NFIA: variants seen among roughly 807,000 people sequenced by gnomAD.
NFIA encodes nuclear factor 1 A-type.
A neutral mutation model predicts 62.8 loss-of-function variants in NFIA; 8 were observed. The observed-to-expected ratio is 0.13, with a 90% CI of 0.07 to 0.23. The LOEUF (loss-of-function observed/expected upper bound fraction) is 0.23, where lower values mean the gene tolerates loss of function less well. Ranked by LOEUF, NFIA falls within the 10% of genes least tolerant of loss-of-function variation. The pLI is 1.00. For synonymous variants in NFIA, 235 were observed against 238.1 expected (o/e 0.99, Z 0.12); for missense variants, 410 against 642.1 (o/e 0.64, Z 3.91).
chr1:61,222,517 C>A (rs1654081737), intron 2 of NFIA, among the ~76,000 whole-genome samples: 1 of 152,020 alleles, frequency 6.6e-6, no homozygotes, highest in Non-Finnish European at 1.5e-5. Context: ...TCCTTATAGT[C>A]TTTCTTTAAC....
intron 3 of NFIA, among the ~76,000 whole-genome samples, chr1:61,293,650 T>G (rs1017065585): frequency 1.3e-5 from 2 of 152,186 alleles, no homozygotes; most frequent in Non-Finnish European, 2.9e-5. Flanking sequence ...CCTTCCCCAC[T>G]TTACTCTAAT....
At chr1:61,365,198 G>GAAAC (rs1394765881) in intron 6 of NFIA, among the ~76,000 whole-genome samples, 8 of 152,222 alleles carry the variant, frequency 5.3e-5, no homozygotes, top group African/African-American at 1.9e-4. Context: ...AAAGAAAAGA[G>GAAAC]AAACAAACAG....
chr1:61,214,194 G>A (rs568181720), intron 2 of NFIA, among the ~76,000 whole-genome samples: 299 of 152,240 alleles, frequency 2.0e-3, no homozygotes, highest in Admixed American at 6.3e-3. Context: ...CAAGGAGAGC[G>A]GGTTCCATCT....
intron 2 of NFIA, among the ~76,000 whole-genome samples, chr1:61,255,599 A>G (rs758242829): frequency 3.3e-5 from 5 of 152,206 alleles, no homozygotes; most frequent in Admixed American, 6.5e-5. Flanking sequence ...TGGTCACATT[A>G]AAAGTATGTT....
Position 61,088,801 on chromosome 1 carries a change from T to A in NFIA, c.559+121T>A. 2.5e-6 allele frequency: 3 copies of A among 1,186,834 alleles called. No individual in the cohort carries two copies. Among genetic ancestry groups the A allele is most frequent in the Non-Finnish European group, 3.5e-6 (3 of 854,792 alleles). 73.5% of individuals were successfully genotyped at this position (1,186,834 alleles called of 1,614,324 possible). On this transcript the variant is annotated intron_variant, in intron 2 of 10. Transcript: ENST00000403491. The surrounding 1 kb of genome is among the most constrained non-coding windows in gnomAD (Gnocchi z 4.5). ...TTGCAGGCCACGTACATGAAGCCAGTGTGGTTTCAAAGATTGAGAGAGGTG... is the reference window on the plus strand; with the variant it reads ...TTGCAGGCCACGTACATGAAGCCAGAGTGGTTTCAAAGATTGAGAGAGGTG...
intron 2 of NFIA, among the ~76,000 whole-genome samples, chr1:61,263,732 C>T (rs201295996): frequency 6.6e-6 from 1 of 152,174 alleles, no homozygotes; most frequent in African/African-American, 2.4e-5. Flanking sequence ...CGGTGGCTCA[C>T]GCCTGTAATC....
upstream of NFIA, chr1:61,077,475 A>G: frequency 1.7e-6 from 1 of 581,292 alleles, no homozygotes; most frequent in Non-Finnish European, 2.6e-6. Context: ...GAAGCCTGCA[A>G]TTGGCCAACA....
intron 4 of NFIA, among the ~76,000 whole-genome samples, chr1:61,346,406 T>A (rs1342175870): frequency 6.6e-6 from 1 of 152,210 alleles, no homozygotes; most frequent in African/African-American, 2.4e-5. Flanking sequence ...CTTCCACAAC[T>A]TTTATTAGTT....
At chr1:61,086,545 T>C (rs190329898) in intron 1 of NFIA, among the ~76,000 whole-genome samples, 2 of 152,230 alleles carry the variant, frequency 1.3e-5, no homozygotes, top group Admixed American at 1.3e-4. Context: ...GATTCTTTTA[T>C]TGAAAAAGAG....
At chr1:61,283,991 C>T (rs770478464) in intron 3 of NFIA, among the ~76,000 whole-genome samples, 4 of 152,162 alleles carry the variant, frequency 2.6e-5, no homozygotes, top group Non-Finnish European at 5.9e-5. Flanking sequence ...AAGGAGCATT[C>T]TAGCACCATT....
intron 2 of NFIA, among the ~76,000 whole-genome samples, chr1:61,243,936 A>C (rs574553491): frequency 6.6e-6 from 1 of 152,174 alleles, no homozygotes; most frequent in Admixed American, 6.6e-5. Context: ...AATTTTTTCT[A>C]TTAGTCCTTC....
chr1:61,149,612 T>G (rs1330183377), intron 2 of NFIA, among the ~76,000 whole-genome samples: 1 of 152,148 alleles, frequency 6.6e-6, no homozygotes, highest in Non-Finnish European at 1.5e-5. Context: ...AACAGCATGA[T>G]CTAATGGAAA....
At chr1:61,346,056 C>G (rs1183940728) in intron 4 of NFIA, among the ~76,000 whole-genome samples, 1 of 152,148 alleles carries the variant, frequency 6.6e-6, no homozygotes, top group Non-Finnish European at 1.5e-5. Context: ...TCTAGACAAT[C>G]TCTCCCCGTC....
intron 6 of NFIA, among the ~76,000 whole-genome samples, chr1:61,377,227 A>AAAAAG: frequency 6.6e-6 from 1 of 152,202 alleles, no homozygotes; most frequent in Admixed American, 6.5e-5. Context: ...CATCTCAAAA[A>AAAAAG]AAAGAAAGAA....
chr1:61,218,206 T>C (rs1653768197), intron 2 of NFIA, among the ~76,000 whole-genome samples: 1 of 152,254 alleles, frequency 6.6e-6, no homozygotes, highest in African/African-American at 2.4e-5. Context: ...AAGGCGTTGC[T>C]GATTCTCACT....
At chr1:61,447,016 A>T (rs943469012) in intron 10 of NFIA, among the ~76,000 whole-genome samples, 1 of 152,206 alleles carries the variant, frequency 6.6e-6, no homozygotes, top group Admixed American at 6.5e-5. Flanking sequence ...GACAACAGGC[A>T]TTTAATTAAA....
rs185849009 is a variant in NFIA, at chr1:61,311,159, A to G, written c.626-21353A>G. Reference sequence around the variant, plus strand: ...ATAATCCCAACACTTTGGGAGGCCAAGGCAGGCAGATCAGCTGAGGTCGGA... The same window carrying G: ...ATAATCCCAACACTTTGGGAGGCCAGGGCAGGCAGATCAGCTGAGGTCGGA... On this transcript the variant is annotated intron_variant, in intron 3 of 10. Transcript: ENST00000403491. 7.7e-3 allele frequency among the ~76,000 whole-genome samples: 1,170 copies of G among 152,332 alleles called. 16 individuals are homozygous for G. The highest frequency in any genetic ancestry group is 0.035 in the Admixed American group (537 of 15,302).
chr1:61,091,795 G>A (rs1402866493), intron 2 of NFIA, among the ~76,000 whole-genome samples: 1 of 151,604 alleles, frequency 6.6e-6, no homozygotes, highest in Non-Finnish European at 1.5e-5. Flanking sequence ...TTTAGATAAA[G>A]TTAACCTTTG....
intron 3 of NFIA, among the ~76,000 whole-genome samples, chr1:61,282,743 A>G (rs1031668967): frequency 2.6e-5 from 4 of 152,220 alleles, no homozygotes; most frequent in African/African-American, 7.2e-5. Flanking sequence ...GCCAGAAAGT[A>G]ATGCTATCTT....
Sources: gnomAD v4.1 joint callset for allele counts (sites outside exome capture counted in the v4.1 genomes callset) on GRCh38, gnomAD v4.1.1 for gene constraint, Gnocchi (gnomAD v3.1) non-coding constraint, MANE v1.5 for transcripts, NCBI Gene and HGNC (gene_info 2026-07-23, HGNC 2026-07-21) for gene names.